The following DNAJC1 variants were observed in gnomAD, a reference collection of about 807,000 sequenced individuals.
DNAJC1 encodes the protein dnaJ homolog subfamily C member 1.
Under a neutral mutation model 76.6 loss-of-function variants are expected in DNAJC1, and 58 were observed. That is an observed-to-expected ratio of 0.76 (90% CI 0.61 to 0.94). The LOEUF (loss-of-function observed/expected upper bound fraction) is 0.94, where lower values mean the gene tolerates loss of function less well. Ranked by LOEUF, DNAJC1 falls within the 40% of genes least tolerant of loss-of-function variation. The pLI, the probability that DNAJC1 is intolerant of heterozygous loss-of-function variation, is 0.00. For synonymous variants in DNAJC1, 258 were observed against 267.9 expected, an observed-to-expected ratio of 0.96 and a Z score of 0.36; for missense variants, 689 against 677.3, an observed-to-expected ratio of 1.02 and a Z score of -0.19.
rs977296054 is a variant in DNAJC1, at chr10:21,901,163, A to G, written c.820+3359T>C. On this transcript the variant is annotated intron_variant, in intron 7 of 11. Transcript: ENST00000376980. ...AACTAATGTTGGGAACTATTTCTCC[A>G]TATTTAAATGAAGTACTTGGCAGTA... is the stretch of plus-strand genomic sequence containing the variant. Among the ~76,000 whole-genome samples the G allele has an allele frequency of 2.0e-5, 3 of 152,224 alleles. No homozygotes were observed. The South Asian group carries it at 6.2e-4, about 31-fold the overall frequency.
At chr10:21,843,113 T>C (rs1315551618) in intron 8 of DNAJC1, among the ~76,000 whole-genome samples, 2 of 152,132 alleles carry the variant, frequency 1.3e-5, no homozygotes, top group Non-Finnish European at 2.9e-5. Context: ...AAACAAATAT[T>C]ATTTGGAATT....
At chr10:21,804,128 C>T (rs895687592) in intron 9 of DNAJC1, 4 of 242,976 alleles carry the variant, frequency 1.6e-5, no homozygotes, top group African/African-American at 9.3e-5. Flanking sequence ...GTATTCTTGG[C>T]ATTTAAAAAA....
intron 9 of DNAJC1, among the ~76,000 whole-genome samples, chr10:21,802,011 GA>G (rs1349568959): frequency 6.6e-6 from 1 of 152,102 alleles, no homozygotes; most frequent in Non-Finnish European, 1.5e-5. Flanking sequence ...GAGAGGAGCA[GA>G]AAAAATAACT....
chr10:21,974,873 T>C (rs1260655042), intron 1 of DNAJC1, among the ~76,000 whole-genome samples: 1 of 152,160 alleles, frequency 6.6e-6, no homozygotes, highest in Non-Finnish European at 1.5e-5. Flanking sequence ...TAATGTAATA[T>C]GTATACTTCT....
intron 8 of DNAJC1, among the ~76,000 whole-genome samples, chr10:21,841,414 AAAC>A (rs1835572417): frequency 6.6e-6 from 1 of 152,204 alleles, no homozygotes; most frequent in Non-Finnish European, 1.5e-5. Context: ...AGAAAAAAAC[AAAC>A]AACCCCCATC....
intron 9 of DNAJC1, among the ~76,000 whole-genome samples, chr10:21,772,126 C>T (rs914394243): frequency 4.0e-5 from 6 of 151,838 alleles, no homozygotes; most frequent in East Asian, 3.9e-4. Flanking sequence ...TATAAGTTGC[C>T]GAATTCAGTT....
intron 1 of DNAJC1, among the ~76,000 whole-genome samples, chr10:21,977,337 T>C (rs1838083041): frequency 6.6e-6 from 1 of 152,162 alleles, no homozygotes; most frequent in Admixed American, 6.5e-5. Context: ...GATAGTCTAA[T>C]TAATCTACAA....
intron 8 of DNAJC1, among the ~76,000 whole-genome samples, chr10:21,864,075 C>T (rs911344758): frequency 3.3e-5 from 5 of 152,076 alleles, no homozygotes; most frequent in African/African-American, 9.7e-5. Flanking sequence ...GGCATGGTGC[C>T]GTGTGCCTGT....
chr10:21,832,531 G>T (rs1390327540), intron 8 of DNAJC1, among the ~76,000 whole-genome samples: 2 of 151,842 alleles, frequency 1.3e-5, no homozygotes, highest in Non-Finnish European at 2.9e-5. Flanking sequence ...TTTTTTAATG[G>T]TAACTGTCTC....
Position 21,863,534 on chromosome 10 carries a change from AT to A in DNAJC1, c.978+18747del, listed in dbSNP as rs1385129480. 9.2e-5 allele frequency among the ~76,000 whole-genome samples: 14 copies of A among 152,258 alleles called. No homozygotes were observed. In the South Asian group the frequency reaches 2.5e-3, roughly 27 times the overall value. ...ATCACTGTCACTGGACATAAAAAAA[AT>A]AGACAAAAATATTAAAATAAAACTA... On this transcript the variant is annotated intron_variant, in intron 8 of 11. Transcript: ENST00000376980.
chr10:21,888,944 TC>T (rs1428862002), intron 7 of DNAJC1, among the ~76,000 whole-genome samples: 3 of 152,156 alleles, frequency 2.0e-5, no homozygotes, highest in Non-Finnish European at 4.4e-5. Context: ...GTTCACATGT[TC>T]CCCTGAACCT....
chr10:21,844,493 T>C (rs774090064), intron 8 of DNAJC1, among the ~76,000 whole-genome samples: 1 of 152,126 alleles, frequency 6.6e-6, no homozygotes, highest in East Asian at 1.9e-4. Context: ...TAGAAGTACA[T>C]AGAGAATAAT....
intron 1 of DNAJC1, among the ~76,000 whole-genome samples, chr10:21,982,655 C>T (rs1221614018): frequency 1.3e-5 from 2 of 150,898 alleles, no homozygotes; most frequent in Admixed American, 6.6e-5. Context: ...ACAGTAGTCA[C>T]TAGGGAAATG....
intron 6 of DNAJC1, among the ~76,000 whole-genome samples, chr10:21,905,629 A>C (rs117085858): frequency 3.2e-4 from 48 of 152,244 alleles, no homozygotes; most frequent in Non-Finnish European, 6.2e-4. Flanking sequence ...CATGTCTATA[A>C]CTGCTTGTAT....
chr10:21,886,345 C>T (rs1000312881), intron 7 of DNAJC1, among the ~76,000 whole-genome samples: 1 of 151,956 alleles, frequency 6.6e-6, no homozygotes, highest in African/African-American at 2.4e-5. Flanking sequence ...ATAAATTAGG[C>T]TCCCAACTAA....
At chr10:21,806,351 T>C (rs937522567) in intron 8 of DNAJC1, among the ~76,000 whole-genome samples, 3 of 152,116 alleles carry the variant, frequency 2.0e-5, no homozygotes, top group Non-Finnish European at 4.4e-5. Flanking sequence ...AGCATAAATA[T>C]TGCAAAACCA....
At chr10:21,916,077 G>A (rs1006521227) in intron 6 of DNAJC1, among the ~76,000 whole-genome samples, 1 of 152,154 alleles carries the variant, frequency 6.6e-6, no homozygotes, top group Non-Finnish European at 1.5e-5. Flanking sequence ...TATCTACAAA[G>A]ATTATACAAT....
intron 8 of DNAJC1, among the ~76,000 whole-genome samples, chr10:21,830,108 C>T (rs1013472782): frequency 1.3e-5 from 2 of 152,086 alleles, no homozygotes; most frequent in African/African-American, 4.8e-5. Context: ...GTTTGTTTTA[C>T]CTTGCTCTAA....
rs939460004 is a variant in DNAJC1, at chr10:21,808,976, TTGTAA to T, written c.979-2882_979-2878del. Among the ~76,000 whole-genome samples, 23 of 152,324 alleles carry T rather than the reference TTGTAA, an allele frequency of 1.5e-4. No homozygotes were observed. The East Asian group carries it at 2.9e-3, about 19-fold the overall frequency. On this transcript the variant is annotated intron_variant, in intron 8 of 11. Coordinates refer to ENST00000376980, the MANE Select transcript of DNAJC1 (RefSeq NM_022365.4). ...TAAAAAGTTTTCAAATTATTAAATATTGTAATGTAATGACCTCAAAATATAGCAAC... is the reference window on the plus strand; with the variant it reads ...TAAAAAGTTTTCAAATTATTAAATATTGTAATGACCTCAAAATATAGCAAC...
Sources: allele counts gnomAD v4.1 joint callset (sites outside exome capture counted in the v4.1 genomes callset), GRCh38; gene constraint gnomAD v4.1.1; transcripts MANE v1.5; gene names NCBI Gene and HGNC (gene_info 2026-07-23, HGNC 2026-07-21).